Variants in KCNMA1 observed in about 807,000 individuals in gnomAD.
The protein encoded by KCNMA1 is Calcium-activated potassium channel subunit alpha-1.
Under a neutral mutation model 140.0 loss-of-function variants are expected in KCNMA1, and 29 were observed. The ratio of observed to expected loss-of-function variants is 0.21; its 90% CI spans 0.15 to 0.28. The LOEUF is 0.28. Among genes scored for constraint, KCNMA1 ranks in the 10% least tolerant of loss-of-function variants. The pLI, the probability that KCNMA1 is intolerant of heterozygous loss-of-function variation, is 1.00. For missense variants in KCNMA1, 880 were observed against 1,602.2 expected (o/e 0.55, Z 7.70); for synonymous variants, 612 against 611.9 (o/e 1.00, Z 0.00).
chr10:77,452,034 T>A (rs1459785043), intron 1 of KCNMA1, among the ~76,000 whole-genome samples: 2 of 152,242 alleles, frequency 1.3e-5, no homozygotes, highest in Non-Finnish European at 2.9e-5. Context: ...ATTTACTTAA[T>A]GATCTTGGCT....
At chr10:77,608,782 T>C (rs909452468) in intron 1 of KCNMA1, among the ~76,000 whole-genome samples, 6 of 152,172 alleles carry the variant, frequency 3.9e-5, no homozygotes, top group East Asian at 1.9e-4. Context: ...AAAAGAACCG[T>C]TGCATAGACA....
chr10:77,146,739 G>GA lies in KCNMA1; in HGVS notation c.809-25692dup, dbSNP rs1554882021. On this transcript the variant is annotated intron_variant, in intron 5 of 27. Coordinates refer to ENST00000286628, the MANE Select transcript of KCNMA1 (RefSeq NM_001161352.2). ...AAAAAAAAAAAAAAAAAGAAAGAAAGAAGGAAAGAAAAAAGATGAGAATTA... is the reference window on the plus strand; with the variant it reads ...AAAAAAAAAAAAAAAAAGAAAGAAAGAAAGGAAAGAAAAAAGATGAGAATTA... Among the ~76,000 whole-genome samples the GA allele has an allele frequency of 7.6e-4, 73 of 95,626 alleles. 1 individual carries two copies. Among genetic ancestry groups the GA allele is most frequent in the African/African-American group, 3.1e-3 (65 of 21,138 alleles). The allele number at this position is 95,626 out of a possible 152,430, so 62.7% of individuals were successfully genotyped here. A position where few individuals can be genotyped will look rare whatever the true frequency, so the allele number is the denominator to read the frequency against.
At chr10:77,520,488 G>A (rs2052980154) in intron 1 of KCNMA1, among the ~76,000 whole-genome samples, 1 of 152,052 alleles carries the variant, frequency 6.6e-6, no homozygotes, top group Admixed American at 6.5e-5. Context: ...GCTTGGCACA[G>A]TGACCAGCAG....
At chr10:77,052,415 G>A (rs1365165800) in intron 14 of KCNMA1, among the ~76,000 whole-genome samples, 1 of 152,112 alleles carries the variant, frequency 6.6e-6, no homozygotes, top group East Asian at 1.9e-4. Flanking sequence ...ACCCAGCCTG[G>A]CTTTCTGAAA....
In KCNMA1 at chr10:77,019,009, T is replaced by C. The variant is rs1158873577; in HGVS notation, c.2015+4A>G. ...AAGAAAGCCAGTTGAAAATAAACTC[T>C]TACCTTTTAACTTCTTTGGCATCAC... On this transcript the variant is annotated splice_donor_region_variant and intron_variant, in intron 17 of 27. Transcript: ENST00000286628. The C allele has an allele frequency of 6.5e-7, 1 of 1,528,946 alleles. No individual in the cohort carries two copies. The highest frequency in any genetic ancestry group is 9.1e-7 in the Non-Finnish European group (1 of 1,102,680). 94.7% of individuals were successfully genotyped at this position (1,528,946 alleles called of 1,614,324 possible).
intron 1 of KCNMA1, among the ~76,000 whole-genome samples, chr10:77,461,142 C>T (rs1245120281): frequency 6.6e-6 from 1 of 151,614 alleles, no homozygotes; most frequent in Non-Finnish European, 1.5e-5. Flanking sequence ...ATACAATGTA[C>T]ACTATTTGGG....
chr10:77,184,963 A>G (rs199591857), intron 3 of KCNMA1, 47 bp from the exon 4 acceptor site: 16 of 1,080,496 alleles, frequency 1.5e-5, no homozygotes, highest in Non-Finnish European at 2.2e-5. Flanking sequence ...GACAGGTAGT[A>G]TCATCCTGTC....
chr10:76,998,354 A>G (rs1026213911), intron 19 of KCNMA1, among the ~76,000 whole-genome samples: 6 of 152,220 alleles, frequency 3.9e-5, no homozygotes, highest in African/African-American at 1.4e-4. Context: ...TAGAGTAAAG[A>G]GGGAAACGAA....
At chr10:76,907,866 G>T (rs370727439) in intron 25 of KCNMA1, among the ~76,000 whole-genome samples, 7 of 152,222 alleles carry the variant, frequency 4.6e-5, no homozygotes, top group Admixed American at 2.6e-4. Context: ...TTAATACTCT[G>T]CTGTCACCAT....
intron 1 of KCNMA1, among the ~76,000 whole-genome samples, chr10:77,422,546 A>G (rs1439706885): frequency 6.6e-6 from 1 of 152,198 alleles, no homozygotes; most frequent in Non-Finnish European, 1.5e-5. Flanking sequence ...AGTCTTAGGC[A>G]CCTGTAATGG....
At chr10:77,397,919 A>G (rs2096116006) in intron 2 of KCNMA1, among the ~76,000 whole-genome samples, 1 of 152,112 alleles carries the variant, frequency 6.6e-6, no homozygotes, top group African/African-American at 2.4e-5. Flanking sequence ...GTCTAGTTCC[A>G]TCCATGTTGC....
chr10:77,590,208 A>C (rs1322702949), intron 1 of KCNMA1, among the ~76,000 whole-genome samples: 1 of 152,258 alleles, frequency 6.6e-6, no homozygotes, highest in Non-Finnish European at 1.5e-5. Flanking sequence ...TCAGGAGCCC[A>C]GCTGGCTTCA....
chr10:77,352,107 A>G (rs1002747261), intron 2 of KCNMA1, among the ~76,000 whole-genome samples: 57 of 152,346 alleles, frequency 3.7e-4, no homozygotes, highest in Middle Eastern at 3.4e-3. Flanking sequence ...GCCAGCCACA[A>G]ATGGGCTAAA....
chr10:76,995,547 G>A, intron 19 of KCNMA1: 1 of 471,090 alleles, frequency 2.1e-6, no homozygotes, highest in Non-Finnish European at 4.4e-6. Flanking sequence ...GAAAGCTCAA[G>A]TGGAAGGCGG....
At chr10:76,956,397 C>T (rs2068306156) in intron 20 of KCNMA1, among the ~76,000 whole-genome samples, 1 of 152,208 alleles carries the variant, frequency 6.6e-6, no homozygotes, top group Non-Finnish European at 1.5e-5. Flanking sequence ...ACACTCTACT[C>T]CCCACACATC....
At position 77,404,113 on chromosome 10, in the gene KCNMA1, TC is replaced by T; in HGVS notation, c.379-91del. 2.3e-6 allele frequency: 3 copies of T among 1,305,856 alleles called. No homozygotes were observed. The South Asian group carries it at 3.6e-5, about 16-fold the overall frequency. 80.9% of individuals were successfully genotyped at this position (1,305,856 alleles called of 1,614,324 possible). ...CATAAAGAACCAGAGCCAGAAGGGG[TC>T]CCCAGCTGAGATGGAAACTAGCTTA... On this transcript the variant is annotated intron_variant, in intron 1 of 27. Coordinates refer to ENST00000286628, the MANE Select transcript of KCNMA1 (RefSeq NM_001161352.2).
chr10:77,080,800 T>C (rs1463003287), intron 12 of KCNMA1, among the ~76,000 whole-genome samples: 1 of 152,096 alleles, frequency 6.6e-6, no homozygotes, highest in African/African-American at 2.4e-5. Context: ...AGTCCAATTC[T>C]CCAAGTTAAC....
At chr10:76,945,596 G>GA (rs552831626) in intron 22 of KCNMA1, among the ~76,000 whole-genome samples, 7 of 152,052 alleles carry the variant, frequency 4.6e-5, no homozygotes, top group African/African-American at 1.4e-4. Context: ...TTTTCAGCAA[G>GA]AAAAAAATAC....
intron 1 of KCNMA1, among the ~76,000 whole-genome samples, chr10:77,477,610 T>C (rs777507384): frequency 1.3e-5 from 2 of 152,206 alleles, no homozygotes; most frequent in African/African-American, 2.4e-5. Flanking sequence ...TGGATGTCTG[T>C]TATGAATATG....
Sources: allele counts gnomAD v4.1 joint callset (sites outside exome capture counted in the v4.1 genomes callset), GRCh38; gene constraint gnomAD v4.1.1; transcripts MANE v1.5; gene names NCBI Gene and HGNC (gene_info 2026-07-23, HGNC 2026-07-21).